BBX: variants seen among roughly 807,000 people sequenced by gnomAD.
The protein encoded by BBX is HMG box transcription factor BBX.
In BBX, 30 loss-of-function variants were observed where a neutral mutation model predicts 100.2. The ratio of observed to expected loss-of-function variants is 0.30; its 90% CI spans 0.22 to 0.41. BBX has a LOEUF of 0.41. Among genes scored for constraint, BBX ranks in the 10% least tolerant of loss-of-function variants. The pLI is 1.00. For missense variants in BBX, 1,023 were observed against 1,129.8 expected (o/e 0.91, Z 1.35); for synonymous variants, 376 against 388.1 (o/e 0.97, Z 0.37).
At position 107,735,303 on chromosome 3, in the gene BBX, T is replaced by C. The variant is rs373115126; in HGVS notation, c.669+2280T>C. 1.7e-4 allele frequency among the ~76,000 whole-genome samples: 26 copies of C among 152,262 alleles called. No individual in the cohort carries two copies. In the East Asian group the frequency reaches 2.7e-3, roughly 16 times the overall value. On this transcript the variant is annotated intron_variant, in intron 7 of 17. Coordinates refer to ENST00000325805, the MANE Select transcript of BBX (RefSeq NM_001142568.3). Reference sequence around the variant, plus strand: ...GACAAATGTAATAAATATGTACTTATGTTTTCCTAAGAAGACTAGCAGGAT... The same window carrying C: ...GACAAATGTAATAAATATGTACTTACGTTTTCCTAAGAAGACTAGCAGGAT...
chr3:107,763,280 G>A (rs568349034), intron 10 of BBX, among the ~76,000 whole-genome samples: 246 of 150,120 alleles, frequency 1.6e-3, no homozygotes, highest in Middle Eastern at 0.014. Flanking sequence ...GCTGGAGTGC[G>A]GTGGCGCGAT....
chr3:107,725,977 A>G (rs1008374751), intron 5 of BBX, among the ~76,000 whole-genome samples: 8 of 151,954 alleles, frequency 5.3e-5, no homozygotes, highest in Non-Finnish European at 1.0e-4. Context: ...TTTTCGGAGG[A>G]TAAGTGAGCT....
chr3:107,697,099 C>T (rs909159162), intron 3 of BBX, among the ~76,000 whole-genome samples: 2 of 140,972 alleles, frequency 1.4e-5, no homozygotes, highest in Non-Finnish European at 3.3e-5. Context: ...ATACATTCTT[C>T]TAAATTTTTT....
chr3:107,734,512 G>A (rs141572423), intron 7 of BBX, among the ~76,000 whole-genome samples: 40 of 152,234 alleles, frequency 2.6e-4, no homozygotes, highest in East Asian at 5.8e-4. Flanking sequence ...TATCCCAAGC[G>A]TGTTCCAAAG....
In BBX at chr3:107,597,837, G is replaced by GGTTTT. The variant is rs71299353; in HGVS notation, c.-83-47973_-83-47969dup. 4.1e-3 allele frequency among the ~76,000 whole-genome samples: 627 copies of GGTTTT among 152,116 alleles called. 4 individuals carry two copies. Among genetic ancestry groups the GGTTTT allele is most frequent in the South Asian group, 0.011 (53 of 4,814 alleles). ...ATTGTCCCCTTGTGTCCTGCCCAGA[G>GGTTTT]GTTTTGTTTTGTTTTGTTTTGTTTT... On this transcript the variant is annotated intron_variant, in intron 2 of 17. Coordinates refer to ENST00000325805, the MANE Select transcript of BBX (RefSeq NM_001142568.3).
intron 3 of BBX, among the ~76,000 whole-genome samples, chr3:107,666,821 C>T (rs28447555): frequency 0.12 from 18,260 of 152,218 alleles, 1,432 homozygotes; most frequent in Middle Eastern, 0.19. Context: ...CCACCCGCCT[C>T]GGCCTCCCAA....
At chr3:107,779,249 A>T (rs2067626705) in intron 13 of BBX, among the ~76,000 whole-genome samples, 1 of 151,670 alleles carries the variant, frequency 6.6e-6, no homozygotes, top group African/African-American at 2.4e-5. Context: ...ACCTGAGACC[A>T]CTGTTGACAT....
At chr3:107,750,798 T>A (rs1254930410) in intron 9 of BBX, among the ~76,000 whole-genome samples, 1 of 152,250 alleles carries the variant, frequency 6.6e-6, no homozygotes, top group Non-Finnish European at 1.5e-5. Flanking sequence ...CTCTAATTAC[T>A]CACTGCGATA....
chr3:107,703,142 C>A (rs1440956715), intron 3 of BBX, among the ~76,000 whole-genome samples: 1 of 152,130 alleles, frequency 6.6e-6, no homozygotes, highest in East Asian at 1.9e-4. Flanking sequence ...ATAATAAAAA[C>A]CTTTGTGAAT....
intron 2 of BBX, among the ~76,000 whole-genome samples, chr3:107,591,765 G>T (rs1323329367): frequency 6.6e-6 from 1 of 152,176 alleles, no homozygotes; most frequent in Non-Finnish European, 1.5e-5. Flanking sequence ...GGTATTACAG[G>T]ACATGAGCTG....
At chr3:107,717,003 A>G (rs1158425107) in intron 5 of BBX, among the ~76,000 whole-genome samples, 154 bp downstream of exon 5, 1 of 152,162 alleles carries the variant, frequency 6.6e-6, no homozygotes, top group African/African-American at 2.4e-5. Flanking sequence ...TCTTTGTATG[A>G]CTTGTTCCTG....
intron 5 of BBX, among the ~76,000 whole-genome samples, chr3:107,727,857 TATTA>T (rs1443857027): frequency 1.3e-5 from 2 of 152,196 alleles, no homozygotes; most frequent in African/African-American, 4.8e-5. Context: ...ATTGAATGAA[TATTA>T]ATTTAATAAA....
In BBX at chr3:107,707,410, A is replaced by G. The variant is rs963911670; in HGVS notation, c.-9-3042A>G. Among the ~76,000 whole-genome samples the G allele has an allele frequency of 2.6e-5, 4 of 152,328 alleles. No homozygotes were observed. The East Asian group carries it at 7.7e-4, about 29-fold the overall frequency. ...ATATAAATAGTGAATCATCATCACA[A>G]TTTGGCACAGGAGTTTGTGTCATTG... On this transcript the variant is annotated intron_variant, in intron 3 of 17. Coordinates refer to ENST00000325805, the MANE Select transcript of BBX (RefSeq NM_001142568.3).
chr3:107,780,767 A>G (rs373195096), intron 13 of BBX, among the ~76,000 whole-genome samples: 12 of 152,062 alleles, frequency 7.9e-5, no homozygotes, highest in Admixed American at 1.3e-4. Context: ...ATACTAGACT[A>G]CAAGTTATTA....
Position 107,716,629 on chromosome 3 carries a change from G to T in BBX, c.185G>T (p.Gly62Val), listed in dbSNP as rs775784528. ...IDKVQLLGAD[G>V]LEQDVGETED... ...TAGGTTCAACTTCTTGGGGCCGATG[G>T]CCTAGAGCAAGATGTTGGTGAAACT... The change falls in exon 5 of 18, where the codon GGC (glycine) becomes GTC (valine). Residue 62 changes from glycine (G) to valine (V), a missense_variant. This residue lies in a region of BBX where 229 missense variants were observed against 226.3 expected (regional missense o/e 1.01). Transcript: ENST00000325805. 9.9e-6 allele frequency: 16 copies of T among 1,613,610 alleles called. No homozygotes were observed. The highest frequency in any genetic ancestry group is 1.4e-5 in the Non-Finnish European group (16 of 1,179,750).
chr3:107,588,054 G>T (rs1362049091), intron 2 of BBX, among the ~76,000 whole-genome samples: 1 of 152,088 alleles, frequency 6.6e-6, no homozygotes, highest in Non-Finnish European at 1.5e-5. Context: ...TTTTTTACCT[G>T]TTTGTTTTCT....
At chr3:107,714,265 C>A (rs2061944704) in intron 4 of BBX, among the ~76,000 whole-genome samples, 1 of 152,106 alleles carries the variant, frequency 6.6e-6, no homozygotes, top group Non-Finnish European at 1.5e-5. Flanking sequence ...AGCCACCACA[C>A]CCAACCTGAT....
chr3:107,648,982 A>G (rs2057682612), intron 3 of BBX, among the ~76,000 whole-genome samples: 2 of 152,196 alleles, frequency 1.3e-5, no homozygotes, highest in South Asian at 4.1e-4. Context: ...AGACTGGGTA[A>G]TTTATAAAGG....
chr3:107,718,242 T>C (rs1354504783), intron 5 of BBX, among the ~76,000 whole-genome samples: 2 of 147,670 alleles, frequency 1.4e-5, no homozygotes, highest in African/African-American at 4.9e-5. Context: ...TTAGTGTTAA[T>C]ATAACTATTA....
Sources: gnomAD v4.1 joint callset for allele counts (sites outside exome capture counted in the v4.1 genomes callset) on GRCh38, gnomAD v4.1.1 for gene constraint, gnomAD v4.1.1 regional missense constraint, MANE v1.5 for transcripts, NCBI Gene and HGNC (gene_info 2026-07-23, HGNC 2026-07-21) for gene names.